The following NTRK2 variants were observed in gnomAD, a reference collection of about 807,000 sequenced individuals.
NTRK2 encodes the protein BDNF/NT-3 growth factors receptor.
Under a neutral mutation model 94.5 loss-of-function variants are expected in NTRK2, and 13 were observed. The ratio of observed to expected loss-of-function variants is 0.14; its 90% CI spans 0.09 to 0.22. The LOEUF is 0.22. Ranked by LOEUF, NTRK2 falls within the 10% of genes least tolerant of loss-of-function variation. The pLI is 1.00. For synonymous variants in NTRK2, 372 were observed against 407.4 expected, an observed-to-expected ratio of 0.91 and a Z score of 1.05; for missense variants, 639 against 1,071.2, an observed-to-expected ratio of 0.60 and a Z score of 5.63.
chr9:84,939,908 G>C (rs2078347359), intron 15 of NTRK2, among the ~76,000 whole-genome samples: 1 of 152,016 alleles, frequency 6.6e-6, no homozygotes, highest in Non-Finnish European at 1.5e-5. Context: ...TCCACATTTT[G>C]CTAAAGACTT....
At chr9:84,903,735 C>T (rs1352944416) in intron 14 of NTRK2, among the ~76,000 whole-genome samples, 1 of 151,048 alleles carries the variant, frequency 6.6e-6, no homozygotes, top group Non-Finnish European at 1.5e-5. Context: ...CCTTGCCTCC[C>T]TCCCTCCCTT....
chr9:85,008,685 A>T (rs1831236434), intron 17 of NTRK2, among the ~76,000 whole-genome samples: 1 of 152,170 alleles, frequency 6.6e-6, no homozygotes, highest in Admixed American at 6.5e-5. Context: ...AAGTCGTTGT[A>T]ATCACAAGAA....
At chr9:84,928,809 G>A (rs912436047) in intron 14 of NTRK2, among the ~76,000 whole-genome samples, 11 of 152,072 alleles carry the variant, frequency 7.2e-5, no homozygotes, top group Non-Finnish European at 5.9e-5. Context: ...AGAGAATTTC[G>A]GGAACTCCCA....
rs1367316585 is a variant in NTRK2, at chr9:84,948,579, C to A, written c.1882C>A (p.Pro628Thr). 4 of 1,614,080 alleles carry A rather than the reference C, an allele frequency of 2.5e-6. No individual in the cohort carries two copies. The highest frequency in any genetic ancestry group is 3.4e-6 in the Non-Finnish European group (4 of 1,180,020). ...CTATGGCGTCTGCGTGGAGGGCGAC[C>A]CCCTCATCATGGTCTTTGAGTACAT... ...KFYGVCVEGD[P>T]LIMVFEYMKH... Residue 628 changes from proline (P) to threonine (T), a missense_variant, in exon 16 of 19, where the codon CCC becomes ACC. Physicochemically the swap from Pro to Thr is conservative, Grantham distance 38. Around this residue, in one of 5 missense-constraint regions of NTRK2, gnomAD observed 343 missense variants for 571.5 expected, o/e 0.60. Coordinates refer to ENST00000277120, the MANE Select transcript of NTRK2 (RefSeq NM_006180.6).
chr9:84,967,291 A>T (rs1825669257), intron 17 of NTRK2, among the ~76,000 whole-genome samples: 1 of 152,196 alleles, frequency 6.6e-6, no homozygotes, highest in African/African-American at 2.4e-5. Context: ...CTCCACAAGG[A>T]GCTGGGGCTC....
At chr9:84,968,374 A>G (rs1825803803) in intron 17 of NTRK2, among the ~76,000 whole-genome samples, 1 of 152,212 alleles carries the variant, frequency 6.6e-6, no homozygotes, top group Non-Finnish European at 1.5e-5. Context: ...CATCTAGGAC[A>G]GTGGCCCACT....
At chr9:84,851,720 C>A (rs1285355905) in intron 12 of NTRK2, among the ~76,000 whole-genome samples, 1 of 152,080 alleles carries the variant, frequency 6.6e-6, no homozygotes, top group East Asian at 1.9e-4. Context: ...AATTCAGGTA[C>A]CACTTAAAAT....
At chr9:84,793,872 G>A (rs113710801) in intron 12 of NTRK2, among the ~76,000 whole-genome samples, 1 of 152,152 alleles carries the variant, frequency 6.6e-6, no homozygotes, top group South Asian at 2.1e-4. Context: ...ACATATTGTC[G>A]ATGCCTGCTC....
chr9:84,972,488 C>G (rs1826299838), intron 17 of NTRK2, among the ~76,000 whole-genome samples: 2 of 152,296 alleles, frequency 1.3e-5, no homozygotes, highest in South Asian at 2.1e-4. Context: ...TCAATTTCAT[C>G]TCTTTATGTG....
At chr9:84,836,411 T>C (rs1387360824) in intron 12 of NTRK2, among the ~76,000 whole-genome samples, 1 of 151,676 alleles carries the variant, frequency 6.6e-6, no homozygotes. Context: ...CTGAGTTGAA[T>C]TAAATGGAGT....
At chr9:84,744,797 C>A (rs137986708) in intron 10 of NTRK2, among the ~76,000 whole-genome samples, 176 bp from the exon 11 acceptor site, 1 of 152,088 alleles carries the variant, frequency 6.6e-6, no homozygotes, top group African/African-American at 2.4e-5. Context: ...GCAGTCTCAG[C>A]GCTGCAGTGC....
chr9:84,891,242 A>T (rs58505958), intron 14 of NTRK2, among the ~76,000 whole-genome samples: 12,289 of 146,110 alleles, frequency 0.084, 869 homozygotes, highest in African/African-American at 0.17. Context: ...GCTTTTTTTT[A>T]AAAAAAGTGC....
chr9:84,857,687 T>G (rs1385335229), intron 12 of NTRK2, among the ~76,000 whole-genome samples: 1 of 152,232 alleles, frequency 6.6e-6, no homozygotes, highest in African/African-American at 2.4e-5. Flanking sequence ...AACTTAGACA[T>G]AGTTCATCAA....
intron 11 of NTRK2, among the ~76,000 whole-genome samples, chr9:84,749,315 T>G (rs558925940): frequency 6.6e-6 from 1 of 152,232 alleles, no homozygotes; most frequent in Non-Finnish European, 1.5e-5. Context: ...AAGAGAATGA[T>G]CATTACTTTT....
In NTRK2 at chr9:84,720,744, T is replaced by C. The variant is rs572311949; in HGVS notation, c.584-2829T>C. Reference sequence around the variant, plus strand: ...TCAAGAAATGATTATAAATATATGATAGAAATCGTAAGAGACATTGCATCC... The same window carrying C: ...TCAAGAAATGATTATAAATATATGACAGAAATCGTAAGAGACATTGCATCC... On this transcript the variant is annotated intron_variant, in intron 6 of 18. Coordinates refer to ENST00000277120, the MANE Select transcript of NTRK2 (RefSeq NM_006180.6). 5.3e-5 allele frequency among the ~76,000 whole-genome samples: 8 copies of C among 151,840 alleles called. No homozygotes were observed. In the South Asian group the frequency reaches 1.7e-3, roughly 32 times the overall value.
At position 85,024,589 on chromosome 9, in the gene NTRK2, C is replaced by T. The variant is rs969445360; in HGVS notation, c.*3152C>T. The T allele has an allele frequency of 1.7e-5, 4 of 232,870 alleles. No homozygotes were observed. Among genetic ancestry groups the T allele is most frequent in the African/African-American group, 8.8e-5 (4 of 45,352 alleles). The allele number at this position is 232,870 out of a possible 1,614,324, so 14.4% of individuals were successfully genotyped here. A position where few individuals can be genotyped will look rare whatever the true frequency, so the allele number is the denominator to read the frequency against. On this transcript the variant is annotated 3_prime_UTR_variant, in exon 19 of 19. Transcript: ENST00000277120. ...TGAATCCAAGTACTCTCACTCTGAA[C>T]TTCGTGGTTCTGTCCACTAGAGACT...
intron 17 of NTRK2, among the ~76,000 whole-genome samples, chr9:85,006,018 G>A (rs1830920547): frequency 1.3e-5 from 2 of 152,126 alleles, no homozygotes; most frequent in Admixed American, 6.5e-5. Context: ...CTGTGCCTAC[G>A]ACAATGCCTC....
intron 2 of NTRK2, among the ~76,000 whole-genome samples, chr9:84,693,005 A>G (rs1210776788): frequency 6.6e-6 from 1 of 152,190 alleles, no homozygotes; most frequent in African/African-American, 2.4e-5. Flanking sequence ...CGAACAACCC[A>G]GGGGCAGCAC....
chr9:84,787,535 C>A (rs983129399), intron 12 of NTRK2, among the ~76,000 whole-genome samples: 1 of 152,112 alleles, frequency 6.6e-6, no homozygotes, highest in Non-Finnish European at 1.5e-5. Flanking sequence ...AATGCTGCTG[C>A]ATAAACAGTA....
Sources: allele counts gnomAD v4.1 joint callset (sites outside exome capture counted in the v4.1 genomes callset), GRCh38; gene constraint gnomAD v4.1.1; regional missense constraint gnomAD v4.1.1; transcripts MANE v1.5; gene names NCBI Gene and HGNC (gene_info 2026-07-23, HGNC 2026-07-21).